Variants in FN3K observed in about 807,000 individuals in gnomAD.
FN3K encodes the protein fructosamine-3-kinase.
A neutral mutation model predicts 24.8 loss-of-function variants in FN3K; 24 were observed. The ratio of observed to expected loss-of-function variants is 0.97; its 90% CI spans 0.70 to 1.36. The LOEUF (loss-of-function observed/expected upper bound fraction) is 1.36, where lower values mean the gene tolerates loss of function less well. Among genes scored for constraint, FN3K ranks in the 40% most tolerant of loss-of-function variants. The pLI is 0.00. For synonymous variants in FN3K, 192 were observed against 175.2 expected (o/e 1.10, Z -0.76); for missense variants, 449 against 416.7 (o/e 1.08, Z -0.67).
intron 4 of FN3K, among the ~76,000 whole-genome samples, chr17:82,742,063 A>T (rs983272817): frequency 4.3e-4 from 66 of 152,206 alleles, no homozygotes; most frequent in East Asian, 9.6e-4. Context: ...ATGCACCACC[A>T]CACCCGGCTA....
At chr17:82,736,839 A>T (rs1237797829) in intron 1 of FN3K, among the ~76,000 whole-genome samples, 1 of 152,206 alleles carries the variant, frequency 6.6e-6, no homozygotes, top group Non-Finnish European at 1.5e-5. Context: ...ACAGGGAAGC[A>T]GTTTTTGGTT....
intron 1 of FN3K, among the ~76,000 whole-genome samples, chr17:82,737,524 G>A (rs1398162110): frequency 6.6e-6 from 1 of 152,066 alleles, no homozygotes; most frequent in Non-Finnish European, 1.5e-5. Context: ...AGGTTTCACC[G>A]TGTTAGCCAG....
chr17:82,750,470 CG>C lies in FN3K; in HGVS notation c.649del (p.Asp217IlefsTer34). 20 of 1,614,182 alleles carry C rather than the reference CG, an allele frequency of 1.2e-5. No homozygotes were observed. The highest frequency in any genetic ancestry group is 1.7e-5 in the Non-Finnish European group (20 of 1,180,026). On this transcript the variant is annotated frameshift_variant, in exon 6 of 6. Coordinates refer to ENST00000300784, the MANE Select transcript of FN3K (RefSeq NM_022158.4). LOFTEE classifies it low-confidence loss of function (END_TRUNC). ...TAGAGATTGTCCCCGCGTTGCTCCA[CG>C]GGGATCTCTGGTCGGGAAACGTGGC... ...GLEIVPALLHGDLWSGNVAED... is the reference protein window; with the variant it reads ...GLEIVPALLHXDLWSGNVAED...
intron 2 of FN3K, among the ~76,000 whole-genome samples, chr17:82,740,368 C>T (rs1483626710): frequency 6.8e-6 from 1 of 146,870 alleles, no homozygotes; most frequent in African/African-American, 2.5e-5. Flanking sequence ...GTGGTTCACA[C>T]CTGTAATCCC....
rs866570356 is a variant in FN3K at position 82,736,723 on chromosome 17, C to T, written c.141+946C>T. 6.2e-4 allele frequency among the ~76,000 whole-genome samples: 94 copies of T among 152,244 alleles called. 1 individual carries two copies. Among genetic ancestry groups the T allele is most frequent in the South Asian group, 5.4e-3 (26 of 4,828 alleles). On this transcript the variant is annotated intron_variant, in intron 1 of 5. Transcript: ENST00000300784. ...CAGGGGTCCTGGTGGGGAGTGCTGG[C>T]AGGAGGAACACCAGAGCCATGCAGC...
chr17:82,744,785 C>CA, intron 4 of FN3K, among the ~76,000 whole-genome samples: 1 of 152,326 alleles, frequency 6.6e-6, no homozygotes, highest in South Asian at 2.1e-4. Context: ...AGCAGACAAA[C>CA]ATGTGAACAA....
intron 1 of FN3K, among the ~76,000 whole-genome samples, chr17:82,737,413 T>C (rs2046908705): frequency 6.6e-6 from 1 of 151,792 alleles, no homozygotes; most frequent in South Asian, 2.1e-4. Flanking sequence ...AAGCTGCGCC[T>C]CCCGGTTCAC....
At chr17:82,742,927 C>G (rs887207421) in intron 4 of FN3K, 1 of 322,138 alleles carries the variant, frequency 3.1e-6, no homozygotes, top group African/African-American at 2.2e-5. Context: ...AGCTGGAGGT[C>G]ACCTGGGGCA....
At chr17:82,739,223 C>T (rs1037014860) in intron 2 of FN3K, among the ~76,000 whole-genome samples, 2 of 151,804 alleles carry the variant, frequency 1.3e-5, no homozygotes, top group Non-Finnish European at 2.9e-5. Context: ...GCTGGGATAA[C>T]AGGCCTGAGC....
chr17:82,739,433 C>A (rs1286307740), intron 2 of FN3K, among the ~76,000 whole-genome samples: 1 of 150,014 alleles, frequency 6.7e-6, no homozygotes, highest in African/African-American at 2.5e-5. Context: ...GGATTACAGG[C>A]ACCCCACCAC....
At chr17:82,747,679 G>T (rs1350606572) in intron 4 of FN3K, among the ~76,000 whole-genome samples, 2 of 152,226 alleles carry the variant, frequency 1.3e-5, no homozygotes, top group South Asian at 4.1e-4. Flanking sequence ...GATTATGGGC[G>T]TGAGCCACCA....
At chr17:82,738,974 G>A (rs1330811740) in intron 2 of FN3K, among the ~76,000 whole-genome samples, 3 of 117,390 alleles carry the variant, frequency 2.6e-5, no homozygotes, top group Admixed American at 8.7e-5. Flanking sequence ...ACACAGTCTC[G>A]CTCTGTTGCC....
At position 82,740,811 on chromosome 17, in the gene FN3K, C is replaced by T. The variant is rs1436196624; in HGVS notation, c.342C>T (p.Asn114=). The T allele has an allele frequency of 1.9e-6, 3 of 1,613,676 alleles. No individual in the cohort carries two copies. The highest frequency in any genetic ancestry group is 2.5e-6 in the Non-Finnish European group (3 of 1,179,738). Residue 114 remains asparagine (N), a synonymous_variant, in exon 3 of 6, where the codon AAC becomes AAT. Transcript: ENST00000300784. ...GEQMADLHLY[N]QKLREKLKEE... The stretch of plus-strand genomic sequence containing the variant: ...AGATGGCAGATTTGCATCTTTACAA[C>T]CAGAAGCTCAGGGAGAAGTTGAAGG...
At chr17:82,743,949 T>C (rs1273157351) in intron 4 of FN3K, among the ~76,000 whole-genome samples, 2 of 151,784 alleles carry the variant, frequency 1.3e-5, no homozygotes, top group Non-Finnish European at 2.9e-5. Context: ...AGGACTGGGC[T>C]AGCCCAGGCT....
intron 4 of FN3K, among the ~76,000 whole-genome samples, chr17:82,744,572 C>T (rs1002098010): frequency 6.6e-6 from 1 of 151,872 alleles, no homozygotes; most frequent in African/African-American, 2.4e-5. Flanking sequence ...GGGTGTTTCT[C>T]GTTAGGTAGA....
chr17:82,740,892 C>T (rs776801225), intron 3 of FN3K, 38 bp downstream of exon 3: 11 of 1,412,942 alleles, frequency 7.8e-6, no homozygotes, highest in Non-Finnish European at 3.0e-6. Context: ...TTGATCCAGC[C>T]ACATTGTCTA....
In FN3K at chr17:82,741,673, T is replaced by G. The variant is rs1288681338; in HGVS notation, c.468+280T>G. ...TGTTGCACAAGGCTCCTGATGAGTC[T>G]GAGGGACTGGAGACAGTGGGTGATG... On this transcript the variant is annotated intron_variant, in intron 4 of 5. Coordinates refer to ENST00000300784, the MANE Select transcript of FN3K (RefSeq NM_022158.4). The G allele has an allele frequency of 1.2e-5, 5 of 431,054 alleles. No individual in the cohort carries two copies. In the East Asian group the frequency reaches 2.4e-4, roughly 21 times the overall value. The allele number at this position is 431,054 out of a possible 1,614,324, so 26.7% of individuals were successfully genotyped here. A position where few individuals can be genotyped will look rare whatever the true frequency, so the allele number is the denominator to read the frequency against.
chr17:82,743,339 C>A (rs1163117220), intron 4 of FN3K, among the ~76,000 whole-genome samples: 1 of 152,232 alleles, frequency 6.6e-6, no homozygotes, highest in Non-Finnish European at 1.5e-5. Context: ...CAATGCCCCT[C>A]GGACTCCAGG....
At position 82,735,636 on chromosome 17, in the gene FN3K, C is replaced by T. The variant is rs943589652; in HGVS notation, c.-1C>T. ...GAGCAGAGTCCCGCGCCCCGCACTC[C>T]ATGGAGCAGCTGCTGCGCGCCGAGC... On this transcript the variant is annotated 5_prime_UTR_variant, in exon 1 of 6. Transcript: ENST00000300784. 1.3e-6 allele frequency: 2 copies of T among 1,535,682 alleles called. No individual in the cohort carries two copies. The highest frequency in any genetic ancestry group is 1.7e-6 in the Non-Finnish European group (2 of 1,149,264).
Sources: allele counts gnomAD v4.1 joint callset (sites outside exome capture counted in the v4.1 genomes callset), GRCh38; gene constraint gnomAD v4.1.1; transcripts MANE v1.5; gene names NCBI Gene and HGNC (gene_info 2026-07-23, HGNC 2026-07-21).